SPG7: variants seen among roughly 807,000 people sequenced by gnomAD.
SPG7 encodes the protein mitochondrial inner membrane m-AAA protease component paraplegin.
Under a neutral mutation model 81.9 loss-of-function variants are expected in SPG7, and 103 were observed. The ratio of observed to expected loss-of-function variants is 1.26; its 90% CI spans 1.07 to 1.48. The LOEUF (loss-of-function observed/expected upper bound fraction) is 1.48, where lower values mean the gene tolerates loss of function less well. Ranked by LOEUF, SPG7 falls within the 40% of genes most tolerant of loss-of-function variation. SPG7 has a pLI of 0.00. For synonymous variants in SPG7, 534 were observed against 444.2 expected (o/e 1.20, Z -2.54); for missense variants, 1,241 against 1,087.3 (o/e 1.14, Z -1.99).
intron 1 of SPG7, 106 bp downstream of exon 1, chr16:89,508,706 C>T: frequency 1.7e-6 from 2 of 1,198,550 alleles, no homozygotes; most frequent in East Asian, 5.2e-5. Flanking sequence ...GGCGGGGGAG[C>T]CTGCGCCTGT....
chr16:89,526,329 C>G lies in SPG7; in HGVS notation c.619C>G (p.Arg207Gly). Residue 207 changes from arginine to glycine, a missense_variant and splice_region_variant, in exon 5 of 17, where the codon CGG (arginine) becomes GGG (glycine). Arg to Gly is a moderately radical substitution (Grantham distance 125, BLOSUM62 -2). Coordinates refer to ENST00000645818, the MANE Select transcript of SPG7 (RefSeq NM_003119.4). The stretch of plus-strand genomic sequence containing the variant: ...GTCCCCTCTCCTTTCTGCCCCCCAG[C>G]GGCTAGCCTTGATGTACCGAATGCA... Reference protein sequence around the residue: ...HPGAVVFGRPRLALMYRMQVA... With the variant: ...HPGAVVFGRPGLALMYRMQVA... 1.2e-6 allele frequency: 2 copies of G among 1,614,002 alleles called. No homozygotes were observed. Among genetic ancestry groups the G allele is most frequent in the African/African-American group, 1.3e-5 (1 of 74,992 alleles).
At chr16:89,537,034 C>G (rs1597643468) in intron 9 of SPG7, 1 of 1,605,174 alleles carries the variant, frequency 6.2e-7, no homozygotes, top group Admixed American at 1.7e-5. Context: ...TTTGCTCAGG[C>G]CTGGGAATCC....
intron 9 of SPG7, 195 bp from the exon 10 acceptor site, chr16:89,544,453 C>T (rs1597653582): frequency 1.6e-6 from 1 of 625,910 alleles, no homozygotes; most frequent in Non-Finnish European, 2.9e-6. Flanking sequence ...TAGGCAAATT[C>T]CTGTTCCTCC....
In SPG7 at chr16:89,548,118, A is replaced by C. The variant is rs777200735; in HGVS notation, c.1663+5A>C. ...CCGTGGAGCGCGTCCTCGCAGGTAC[A>C]GGGGGCGCGCCCTGGGTGAAGGCCC... is the stretch of plus-strand genomic sequence containing the variant. On this transcript the variant is annotated splice_donor_5th_base_variant and intron_variant, in intron 12 of 16. Transcript: ENST00000645818. 4.4e-6 allele frequency: 7 copies of C among 1,593,642 alleles called. No individual in the cohort carries two copies. Among genetic ancestry groups the C allele is most frequent in the African/African-American group, 1.3e-5 (1 of 74,730 alleles).
chr16:89,530,497 G>A (rs1312156852), intron 6 of SPG7, 186 bp from the exon 7 acceptor site: 6 of 706,822 alleles, frequency 8.5e-6, no homozygotes, highest in African/African-American at 3.5e-5. Context: ...AATTAATGAC[G>A]AAACATTTCC....
At chr16:89,536,948 G>A (rs115675101) in intron 9 of SPG7, 14 of 1,614,036 alleles carry the variant, frequency 8.7e-6, no homozygotes, top group East Asian at 2.2e-5. Context: ...TGAGCCCAAA[G>A]GCAAGCGTAT....
At chr16:89,537,730 G>T (rs2058445201) in intron 9 of SPG7, 11 of 985,424 alleles carry the variant, frequency 1.1e-5, no homozygotes, top group Non-Finnish European at 1.3e-5. Flanking sequence ...GAGCTTGGCA[G>T]TGCTTGCCGT....
intron 3 of SPG7, 43 bp from the exon 4 acceptor site, chr16:89,523,963 G>A: frequency 6.2e-7 from 1 of 1,606,896 alleles, no homozygotes; most frequent in South Asian, 1.1e-5. Context: ...CGTGTCTGTT[G>A]CTCATGTGTT....
At chr16:89,550,691 G>A in intron 13 of SPG7, 82 bp downstream of exon 13, 3 of 910,136 alleles carry the variant, frequency 3.3e-6, no homozygotes, top group Non-Finnish European at 5.4e-6. Flanking sequence ...GCTGACTGGG[G>A]AGTCCCGCCT....
intron 1 of SPG7, 82 bp downstream of exon 1, chr16:89,508,682 C>A: frequency 7.5e-7 from 1 of 1,330,304 alleles, no homozygotes; most frequent in Non-Finnish European, 1.0e-6. Flanking sequence ...GGTCGGAGGC[C>A]GCCTGGCCCC....
chr16:89,539,885 A>G (rs2058473572), intron 9 of SPG7: 2 of 152,114 alleles, frequency 1.3e-5, no homozygotes, highest in Non-Finnish European at 2.9e-5. Context: ...TCTCATGGGT[A>G]TCTTATAGAA....
rs150025892 is a variant in SPG7, at chr16:89,554,821, A to G, written c.2181+258A>G. The G allele has an allele frequency of 1.3e-3, 568 of 451,900 alleles. 5 individuals are homozygous for G. Among genetic ancestry groups the G allele is most frequent in the African/African-American group, 0.01 (527 of 50,760 alleles). 28.0% of individuals were successfully genotyped at this position (451,900 alleles called of 1,614,324 possible). A position where few individuals can be genotyped will look rare whatever the true frequency, so the allele number is the denominator to read the frequency against. ...CTCTTCCTGCCATTAGCAATTACCAATGTTTTGTCAGTTTTGTTTAATCTT... is the reference window on the plus strand; with the variant it reads ...CTCTTCCTGCCATTAGCAATTACCAGTGTTTTGTCAGTTTTGTTTAATCTT... On this transcript the variant is annotated intron_variant, in intron 16 of 16. Coordinates refer to ENST00000645818, the MANE Select transcript of SPG7 (RefSeq NM_003119.4).
chr16:89,526,623 A>T (rs1228770076), intron 5 of SPG7, 155 bp downstream of exon 5: 2 of 772,684 alleles, frequency 2.6e-6, no homozygotes, highest in African/African-American at 3.5e-5. Flanking sequence ...TGAATGATAC[A>T]ATGCCAGGAG....
At chr16:89,530,370 T>C in intron 6 of SPG7, 1 of 411,788 alleles carries the variant, frequency 2.4e-6, no homozygotes, top group Non-Finnish European at 4.6e-6. Context: ...GGTCTCGATC[T>C]CTTGACCTCG....
chr16:89,543,109 A>G (rs187930390), intron 9 of SPG7: 3,162 of 151,444 alleles, frequency 0.021, 68 homozygotes, highest in African/African-American at 0.044. Flanking sequence ...CACCACGCCC[A>G]GCTAATTTTC....
At chr16:89,516,558 A>G (rs1350738428) in intron 3 of SPG7, among the ~76,000 whole-genome samples, 1 of 151,956 alleles carries the variant, frequency 6.6e-6, no homozygotes, top group Non-Finnish European at 1.5e-5. Flanking sequence ...TGTCTCAAAC[A>G]TAAAAAATTA....
At chr16:89,539,276 G>T (rs1446127205) in intron 9 of SPG7, 1 of 152,154 alleles carries the variant, frequency 6.6e-6, no homozygotes, top group Non-Finnish European at 1.5e-5. Flanking sequence ...GGGCATGGTG[G>T]ATCACCTGAG....
chr16:89,523,424 G>C (rs908759935), intron 3 of SPG7: 3 of 332,042 alleles, frequency 9.0e-6, no homozygotes, highest in African/African-American at 2.2e-5. Context: ...GGCAGGTTGT[G>C]GTAAAAGGTA....
At chr16:89,538,557 A>T (rs1197477798) in intron 9 of SPG7, 1 of 152,438 alleles carries the variant, frequency 6.6e-6, no homozygotes, top group East Asian at 1.9e-4. Context: ...TTCCCACTTG[A>T]GTCAGCTCTT....
Sources: gnomAD v4.1 joint callset for allele counts (sites outside exome capture counted in the v4.1 genomes callset) on GRCh38, gnomAD v4.1.1 for gene constraint, MANE v1.5 for transcripts, NCBI Gene and HGNC (gene_info 2026-07-23, HGNC 2026-07-21) for gene names.